PCDHGB5: variants seen among roughly 807,000 people sequenced by gnomAD.
The protein encoded by PCDHGB5 is protocadherin gamma subfamily B, 5, also known as protocadherin gamma-B5.
Under a neutral mutation model 62.9 loss-of-function variants are expected in PCDHGB5, and 48 were observed. The observed-to-expected ratio is 0.76, with a 90% CI of 0.61 to 0.97. The LOEUF (loss-of-function observed/expected upper bound fraction) is 0.97. PCDHGB5 is among the 50% of genes least tolerant of loss of function. The pLI is 0.00. For synonymous variants in PCDHGB5, 474 were observed against 511.2 expected (o/e 0.93, Z 0.98); for missense variants, 1,118 against 1,198.6 (o/e 0.93, Z 0.99).
In PCDHGB5 at chr5:141,510,929, C is replaced by T. The variant is rs1238694958; in HGVS notation, c.2546-18C>T. The T allele has an allele frequency of 3.1e-6, 5 of 1,613,988 alleles. No homozygotes were observed. The highest frequency in any genetic ancestry group is 4.2e-6 in the Non-Finnish European group (5 of 1,179,988). On this transcript the variant is annotated intron_variant, in intron 3 of 3. Coordinates refer to ENST00000617380, the MANE Select transcript of PCDHGB5 (RefSeq NM_018925.3). ...ACCCTAAGTTTAGCTCCCACCTGAT[C>T]TTCCTCTGTCTCTGCAGAAGCTGCT...
At chr5:141,478,924 T>C (rs1213046748) in intron 1 of PCDHGB5, 10 of 704,004 alleles carry the variant, frequency 1.4e-5, no homozygotes. Context: ...CTCTAACCAG[T>C]GGCAGCTTCT....
At position 141,486,238 on chromosome 5, in the gene PCDHGB5, G is replaced by C. The variant is rs1414434705; in HGVS notation, c.2398-8569G>C. 6.2e-7 allele frequency: 1 copy of C among 1,614,058 alleles called. No homozygotes were observed. The highest frequency in any genetic ancestry group is 8.5e-7 in the Non-Finnish European group (1 of 1,180,024). On this transcript the variant is annotated intron_variant, in intron 1 of 3. Coordinates refer to ENST00000617380, the MANE Select transcript of PCDHGB5 (RefSeq NM_018925.3). This position sits in a 1 kb window ranked among gnomAD's most constrained non-coding sequence, Gnocchi z 5.0. ...CCCCTTACATCACAGTGACCTCAGA[G>C]CTTGGAACCCTCCCCGAGAGTGCAG... is the stretch of plus-strand genomic sequence containing the variant.
At position 141,413,788 on chromosome 5, in the gene PCDHGB5, G is replaced by A. The variant is rs2095678300; in HGVS notation, c.2397+13264G>A. The A allele has an allele frequency of 2.1e-5, 34 of 1,613,166 alleles. No individual in the cohort carries two copies. Among genetic ancestry groups the A allele is most frequent in the Non-Finnish European group, 2.8e-5 (33 of 1,179,876 alleles). ...GGAGCTGGTACTGGAGCACTCCCTA[G>A]ATCGCGAGGAAGAGGCCATTCACCA... is the stretch of plus-strand genomic sequence containing the variant. On this transcript the variant is annotated intron_variant, in intron 1 of 3. Coordinates refer to ENST00000617380, the MANE Select transcript of PCDHGB5 (RefSeq NM_018925.3).
rs529029548 is a variant in PCDHGB5 at position 141,483,337 on chromosome 5, T to C, written c.2398-11470T>C. 9.2e-5 allele frequency among the ~76,000 whole-genome samples: 14 copies of C among 152,260 alleles called. No homozygotes were observed. In the East Asian group the frequency reaches 2.5e-3, roughly 27 times the overall value. On this transcript the variant is annotated intron_variant, in intron 1 of 3. Transcript: ENST00000617380. Reference sequence around the variant, plus strand: ...TGGGACTGGAGGCAAAGAGATCTTATCTCTTTGCAATAGTTTGAAAGCTAT... The same window carrying C: ...TGGGACTGGAGGCAAAGAGATCTTACCTCTTTGCAATAGTTTGAAAGCTAT...
At chr5:141,410,913 G>GC (rs1270456210) in intron 1 of PCDHGB5, 4 of 263,626 alleles carry the variant, frequency 1.5e-5, no homozygotes, top group African/African-American at 1.1e-4. Flanking sequence ...GAGTGCAGTG[G>GC]CGTGATCTCT....
chr5:141,426,858 T>G (rs898486771), intron 1 of PCDHGB5: 13 of 456,574 alleles, frequency 2.8e-5, no homozygotes, highest in African/African-American at 8.0e-5. Context: ...CGCTCCAGAA[T>G]TAGTGCTGGA....
At chr5:141,401,856 T>C (rs778189763) in intron 1 of PCDHGB5, among the ~76,000 whole-genome samples, 2 of 152,228 alleles carry the variant, frequency 1.3e-5, no homozygotes, top group Non-Finnish European at 2.9e-5. Context: ...ACTTTTAACC[T>C]TTCAGTAGTT....
chr5:141,511,215 A>G lies in PCDHGB5; in HGVS notation c.*42A>G, dbSNP rs1562250541. On this transcript the variant is annotated 3_prime_UTR_variant, in exon 4 of 4. Coordinates refer to ENST00000617380, the MANE Select transcript of PCDHGB5 (RefSeq NM_018925.3). ...AGAGCCACAGGGCGGCCTCTCCCCA[A>G]CCAGCCCAGCTTCTCCTTACCTGCA... The G allele has an allele frequency of 1.2e-6, 2 of 1,608,380 alleles. No individual in the cohort carries two copies. The highest frequency in any genetic ancestry group is 2.2e-5 in the East Asian group (1 of 44,560).
At chr5:141,407,767 G>T (rs1458257073) in intron 1 of PCDHGB5, among the ~76,000 whole-genome samples, 1 of 152,140 alleles carries the variant, frequency 6.6e-6, no homozygotes, top group Non-Finnish European at 1.5e-5. Context: ...GTTTGAAATT[G>T]TGCATAATAG....
intron 2 of PCDHGB5, among the ~76,000 whole-genome samples, chr5:141,500,281 T>A (rs1254933339): frequency 2.0e-5 from 3 of 151,934 alleles, no homozygotes; most frequent in Non-Finnish European, 4.4e-5. Context: ...CAATCTCGGC[T>A]CACTGCAAGC....
chr5:141,460,576 G>A (rs2098992216), intron 1 of PCDHGB5, among the ~76,000 whole-genome samples: 1 of 152,082 alleles, frequency 6.6e-6, no homozygotes, highest in Non-Finnish European at 1.5e-5. Flanking sequence ...ACATATGTAG[G>A]TGTGGGTTTT....
At chr5:141,404,043 C>T (rs781644500) in intron 1 of PCDHGB5, 1 of 1,613,844 alleles carries the variant, frequency 6.2e-7, no homozygotes, top group East Asian at 2.2e-5. Context: ...CCTCAGGGAA[C>T]AGTAATTCTT....
chr5:141,414,173 C>A, intron 1 of PCDHGB5: 1 of 1,606,526 alleles, frequency 6.2e-7, no homozygotes. Context: ...GCATATCTTG[C>A]AACTGCAAAA....
At chr5:141,405,330 T>C (rs750658260) in intron 1 of PCDHGB5, 1 of 1,614,206 alleles carries the variant, frequency 6.2e-7, no homozygotes, top group East Asian at 2.2e-5. Context: ...CCTTTGTGCG[T>C]CTCTGTTGAT....
intron 1 of PCDHGB5, chr5:141,408,283 C>G (rs62378453): frequency 0.09 from 144,952 of 1,612,732 alleles, 7,152 homozygotes; most frequent in African/African-American, 0.18. Flanking sequence ...TGTTCTACCC[C>G]ACCCTGAGTG....
intron 1 of PCDHGB5, among the ~76,000 whole-genome samples, chr5:141,437,929 G>A (rs1479763331): frequency 6.6e-6 from 1 of 151,960 alleles, no homozygotes; most frequent in East Asian, 1.9e-4. Context: ...GTAGAGATGG[G>A]GTTTCACCAT....
At chr5:141,457,560 G>A (rs1466753974) in intron 1 of PCDHGB5, among the ~76,000 whole-genome samples, 1 of 152,162 alleles carries the variant, frequency 6.6e-6, no homozygotes, top group African/African-American at 2.4e-5. Flanking sequence ...ATAAGCTTTG[G>A]AGCAAAATTT....
chr5:141,421,243 C>T (rs201273667), intron 1 of PCDHGB5: 12 of 1,601,540 alleles, frequency 7.5e-6, no homozygotes, highest in Non-Finnish European at 1.0e-5. Flanking sequence ...GAATCGGCTA[C>T]AGCGCGGGGA....
chr5:141,469,992 G>T (rs894673835), intron 1 of PCDHGB5, among the ~76,000 whole-genome samples: 2 of 152,056 alleles, frequency 1.3e-5, no homozygotes, highest in Non-Finnish European at 2.9e-5. Context: ...TTAGCTGGTC[G>T]TCGTGGCACG....
Sources: gnomAD v4.1 joint callset for allele counts (sites outside exome capture counted in the v4.1 genomes callset) on GRCh38, gnomAD v4.1.1 for gene constraint, Gnocchi (gnomAD v3.1) non-coding constraint, MANE v1.5 for transcripts, NCBI Gene and HGNC (gene_info 2026-07-23, HGNC 2026-07-21) for gene names.